Variants in SGCG observed in about 807,000 individuals in gnomAD.
SGCG encodes the protein sarcoglycan gamma.
SGCG carries 26 observed loss-of-function variants against 29.3 expected under a neutral mutation model. That is an observed-to-expected ratio of 0.89 (90% CI 0.65 to 1.23). SGCG has a LOEUF of 1.23. Among genes scored for constraint, SGCG ranks in the 50% most tolerant of loss-of-function variants. SGCG has a pLI of 0.00. For synonymous variants in SGCG, 145 were observed against 129.7 expected, an observed-to-expected ratio of 1.12 and a Z score of -0.80; for missense variants, 353 against 356.0, an observed-to-expected ratio of 0.99 and a Z score of 0.07.
At chr13:23,183,677 A>AT (rs137982825) in intron 1 of SGCG, among the ~76,000 whole-genome samples, 8,864 of 151,080 alleles carry the variant, frequency 0.059, 526 homozygotes, top group African/African-American at 0.15. Flanking sequence ...CTTTATTTTT[A>AT]TTTTTTTTTG....
chr13:23,236,917 A>G (rs1363746369), intron 3 of SGCG, among the ~76,000 whole-genome samples: 1 of 152,186 alleles, frequency 6.6e-6, no homozygotes, highest in Admixed American at 6.5e-5. Context: ...ATGGTTTCCA[A>G]TAAGAGCCAT....
chr13:23,300,832 A>AAAG (rs1555245959), intron 6 of SGCG, among the ~76,000 whole-genome samples: 14 of 131,648 alleles, frequency 1.1e-4, no homozygotes, highest in East Asian at 2.7e-4. Context: ...AAAAAAAAAA[A>AAAG]GGGCCGGGCG....
At chr13:23,275,066 G>A (rs1881016448) in intron 4 of SGCG, among the ~76,000 whole-genome samples, 2 of 148,900 alleles carry the variant, frequency 1.3e-5, no homozygotes, top group Non-Finnish European at 3.0e-5. Flanking sequence ...GATTGTGTAG[G>A]ATGGGATGGG....
At chr13:23,206,687 A>C (rs941467325) in intron 2 of SGCG, among the ~76,000 whole-genome samples, 5 of 152,196 alleles carry the variant, frequency 3.3e-5, no homozygotes, top group Non-Finnish European at 5.9e-5. Context: ...AACTATCTGA[A>C]AAGGAAATTA....
At chr13:23,296,874 A>G (rs1283086512) in intron 6 of SGCG, among the ~76,000 whole-genome samples, 1 of 152,192 alleles carries the variant, frequency 6.6e-6, no homozygotes, top group African/African-American at 2.4e-5. Flanking sequence ...ACCTATAACT[A>G]TTCATTCCAA....
At chr13:23,244,486 A>G (rs1879624055) in intron 3 of SGCG, 1 of 152,234 alleles carries the variant, frequency 6.6e-6, no homozygotes, top group Non-Finnish European at 1.5e-5. Flanking sequence ...TGTCCTGGAC[A>G]TAAATAATCC....
chr13:23,309,022 T>A (rs35026980), intron 6 of SGCG, among the ~76,000 whole-genome samples: 11 of 152,016 alleles, frequency 7.2e-5, no homozygotes, highest in African/African-American at 1.4e-4. Context: ...CTTTTATATG[T>A]CCTTTAATAT....
At chr13:23,305,940 C>T (rs1402242875) in intron 6 of SGCG, among the ~76,000 whole-genome samples, 1 of 152,194 alleles carries the variant, frequency 6.6e-6, no homozygotes, top group Non-Finnish European at 1.5e-5. Flanking sequence ...AACACGATCT[C>T]AGCTTACTGC....
Position 23,320,702 on chromosome 13 carries a change from C to T in SGCG, c.644C>T (p.Ala215Val). Reference sequence around the variant, plus strand: ...AGGGGTGTGCATATTCAAGCTCACGCTGGGAAAATTGAGGCGCTTTCTCAA... The same window carrying T: ...AGGGGTGTGCATATTCAAGCTCACGTTGGGAAAATTGAGGCGCTTTCTCAA... The part of the protein sequence containing the change: ...APRGVHIQAH[A>V]GKIEALSQMD... Residue 215 changes from alanine to valine, a missense_variant, in exon 7 of 8, where the codon GCT becomes GTT. Ala to Val is a moderately conservative substitution (Grantham distance 64, BLOSUM62 0). Transcript: ENST00000218867. 3 of 1,612,236 alleles carry T rather than the reference C, an allele frequency of 1.9e-6. No homozygotes were observed. The highest frequency in any genetic ancestry group is 2.5e-6 in the Non-Finnish European group (3 of 1,179,210).
intron 2 of SGCG, among the ~76,000 whole-genome samples, chr13:23,210,007 G>C (rs1044919301): frequency 1.3e-5 from 2 of 152,072 alleles, no homozygotes; most frequent in African/African-American, 2.4e-5. Context: ...CTAAATAAAC[G>C]TACCTGATGA....
intron 2 of SGCG, among the ~76,000 whole-genome samples, chr13:23,225,004 G>A (rs987301676): frequency 1.4e-4 from 22 of 152,276 alleles, no homozygotes; most frequent in Admixed American, 1.3e-3. Context: ...ACGAGCTCAT[G>A]AGAAATGTAC....
rs769081024 is a variant in SGCG, at chr13:23,256,599, A to T, written c.385+5882A>T. 1.3e-3 allele frequency among the ~76,000 whole-genome samples: 201 copies of T among 151,990 alleles called. 1 individual carries two copies. Among genetic ancestry groups the T allele is most frequent in the Non-Finnish European group, 1.5e-3 (105 of 68,014 alleles). On this transcript the variant is annotated intron_variant, in intron 4 of 7. Transcript: ENST00000218867. ...TGTGTCCAAGGGTTCTCATTGTTCA[A>T]TTCACACCTATGAGTGACAACATGC...
intron 3 of SGCG, among the ~76,000 whole-genome samples, chr13:23,242,869 AAAAAAC>A (rs1458954566): frequency 2.2e-4 from 33 of 152,310 alleles, no homozygotes; most frequent in Non-Finnish European, 3.2e-4. Flanking sequence ...TTAAAAAGTC[AAAAAAC>A]AAAAACAAAA....
chr13:23,228,289 T>C (rs539050500), intron 2 of SGCG, among the ~76,000 whole-genome samples: 2 of 152,190 alleles, frequency 1.3e-5, no homozygotes, highest in Non-Finnish European at 2.9e-5. Flanking sequence ...TGTAAAAAAC[T>C]AAACAAAAAG....
intron 6 of SGCG, among the ~76,000 whole-genome samples, chr13:23,319,422 C>T (rs1882952243): frequency 6.6e-6 from 1 of 152,154 alleles, no homozygotes; most frequent in Non-Finnish European, 1.5e-5. Flanking sequence ...TAAGCGTTTT[C>T]TCATACTCAA....
At chr13:23,168,821 GTTA>G in the SGCG span, among the ~76,000 whole-genome samples, 467 of 152,084 alleles carry the variant, frequency 3.1e-3, no homozygotes, top group African/African-American at 0.011. Context: ...ACTCCATTGT[GTTA>G]TTATCATATT....
intron 2 of SGCG, among the ~76,000 whole-genome samples, chr13:23,212,980 G>T (rs1593176041): frequency 6.6e-6 from 1 of 152,080 alleles, no homozygotes; most frequent in Non-Finnish European, 1.5e-5. Context: ...ATAGATAGAG[G>T]CATTCCATTT....
At chr13:23,211,479 T>A (rs2137512677) in intron 2 of SGCG, among the ~76,000 whole-genome samples, 1 of 151,870 alleles carries the variant, frequency 6.6e-6, no homozygotes. Flanking sequence ...GAGGAGAGCT[T>A]GACCCCCCCT....
chr13:23,250,413 T>A (rs1879915886), intron 3 of SGCG, among the ~76,000 whole-genome samples: 1 of 152,224 alleles, frequency 6.6e-6, no homozygotes, highest in African/African-American at 2.4e-5. Flanking sequence ...GAGCTCATTT[T>A]ATGATTGTTA....
Sources: gnomAD v4.1 joint callset for allele counts (sites outside exome capture counted in the v4.1 genomes callset) on GRCh38, gnomAD v4.1.1 for gene constraint, MANE v1.5 for transcripts, NCBI Gene and HGNC (gene_info 2026-07-23, HGNC 2026-07-21) for gene names.